KIAA1328: variants seen among roughly 807,000 people sequenced by gnomAD.
The protein encoded by KIAA1328 is KIAA1328, also known as protein hinderin.
A neutral mutation model predicts 68.1 loss-of-function variants in KIAA1328; 52 were observed. The observed-to-expected ratio is 0.76, with a 90% CI of 0.61 to 0.96. KIAA1328 has a LOEUF of 0.96. KIAA1328 is among the 40% of genes least tolerant of loss of function. The pLI is 0.00. For missense variants in KIAA1328, 641 were observed against 677.6 expected, an observed-to-expected ratio of 0.95 and a Z score of 0.60; for synonymous variants, 232 against 239.4, an observed-to-expected ratio of 0.97 and a Z score of 0.28.
intron 7 of KIAA1328, among the ~76,000 whole-genome samples, chr18:37,143,766 G>T (rs1304639347): frequency 6.6e-6 from 1 of 151,316 alleles, no homozygotes; most frequent in African/African-American, 2.4e-5. Flanking sequence ...TGCTTTTTCG[G>T]CATTTATTGA....
chr18:37,100,272 CAAAG>C (rs1275883958), intron 7 of KIAA1328, among the ~76,000 whole-genome samples: 1 of 152,144 alleles, frequency 6.6e-6, no homozygotes, highest in Non-Finnish European at 1.5e-5. Flanking sequence ...CTTTCCTAGT[CAAAG>C]AAAGGGGTGA....
intron 6 of KIAA1328, among the ~76,000 whole-genome samples, chr18:37,031,841 GT>G (rs769152079): frequency 1.2e-4 from 18 of 151,614 alleles, no homozygotes; most frequent in Non-Finnish European, 2.5e-4. Context: ...TTTTTTAGTG[GT>G]TTTTCCAGGT....
chr18:36,955,424 C>T (rs1383371633), intron 5 of KIAA1328, among the ~76,000 whole-genome samples: 2 of 151,672 alleles, frequency 1.3e-5, no homozygotes, highest in South Asian at 2.1e-4. Context: ...ATTCTCCTGC[C>T]TCAGCCTCCC....
At chr18:36,909,403 G>A (rs1004695309) in intron 5 of KIAA1328, among the ~76,000 whole-genome samples, 3 of 151,686 alleles carry the variant, frequency 2.0e-5, no homozygotes, top group Non-Finnish European at 4.4e-5. Flanking sequence ...TTGTCCCTGC[G>A]ATAGTTTGCT....
At chr18:37,179,379 T>C (rs2059656586) in intron 9 of KIAA1328, among the ~76,000 whole-genome samples, 1 of 152,244 alleles carries the variant, frequency 6.6e-6, no homozygotes, top group African/African-American at 2.4e-5. Flanking sequence ...CAGTTGGCTG[T>C]AAGTACATAG....
intron 7 of KIAA1328, among the ~76,000 whole-genome samples, chr18:37,158,486 A>G (rs1262642499): frequency 6.6e-6 from 1 of 152,110 alleles, no homozygotes; most frequent in African/African-American, 2.4e-5. Context: ...GGAGTTTGTG[A>G]GTTATAAGAA....
chr18:36,884,971 A>AT (rs34890195), intron 4 of KIAA1328, among the ~76,000 whole-genome samples: 151 of 149,056 alleles, frequency 1.0e-3, no homozygotes, highest in African/African-American at 1.4e-3. Context: ...TAACTTTATA[A>AT]TTTTTTTTTT....
At chr18:37,038,030 G>A (rs1041487725) in intron 6 of KIAA1328, among the ~76,000 whole-genome samples, 2 of 152,130 alleles carry the variant, frequency 1.3e-5, no homozygotes, top group African/African-American at 4.8e-5. Context: ...GAACCCAGGA[G>A]GCAGAGGTTG....
intron 6 of KIAA1328, among the ~76,000 whole-genome samples, chr18:37,053,571 C>G (rs1486969465): frequency 6.6e-6 from 1 of 152,082 alleles, no homozygotes; most frequent in Admixed American, 6.5e-5. Context: ...AGTATTAGTT[C>G]ATTTTCACAG....
chr18:37,011,807 A>C (rs1202992116), intron 6 of KIAA1328, among the ~76,000 whole-genome samples: 2 of 152,156 alleles, frequency 1.3e-5, no homozygotes, highest in Middle Eastern at 3.2e-3. Flanking sequence ...GTTGGAGGAG[A>C]GGTTGATTAC....
At chr18:36,845,589 C>T (rs2047000275) in intron 4 of KIAA1328, among the ~76,000 whole-genome samples, 1 of 151,504 alleles carries the variant, frequency 6.6e-6, no homozygotes, top group Non-Finnish European at 1.5e-5. Context: ...GCATATTTGA[C>T]AACTCATATA....
At chr18:36,918,743 A>G (rs1353681077) in intron 5 of KIAA1328, among the ~76,000 whole-genome samples, 1 of 152,150 alleles carries the variant, frequency 6.6e-6, no homozygotes, top group Non-Finnish European at 1.5e-5. Flanking sequence ...GCATTTGAAG[A>G]TATAAATATC....
In KIAA1328 at chr18:37,224,390, A is replaced by G. The variant is rs910821533; in HGVS notation, c.*2163A>G. 8 of 985,290 alleles carry G rather than the reference A, an allele frequency of 8.1e-6. No individual in the cohort carries two copies. Among genetic ancestry groups the G allele is most frequent in the African/African-American group, 7.0e-5 (4 of 57,234 alleles). 61.0% of individuals were successfully genotyped at this position (985,290 alleles called of 1,614,324 possible). A position where few individuals can be genotyped will look rare whatever the true frequency, so the allele number is the denominator to read the frequency against. On this transcript the variant is annotated 3_prime_UTR_variant, in exon 10 of 10. Transcript: ENST00000280020. ...TTCTTTGCCTCTCCATGAATGGCCA[A>G]TTTGGAAAAGCAGAGATGGGCTTTC...
At chr18:37,119,077 A>G (rs1019953076) in intron 7 of KIAA1328, among the ~76,000 whole-genome samples, 1 of 152,180 alleles carries the variant, frequency 6.6e-6, no homozygotes, top group Admixed American at 6.5e-5. Context: ...CAGTTTCTTG[A>G]TCAGAAACAA....
intron 4 of KIAA1328, among the ~76,000 whole-genome samples, chr18:36,857,221 C>A (rs1040863675): frequency 6.6e-6 from 1 of 152,168 alleles, no homozygotes; most frequent in African/African-American, 2.4e-5. Context: ...TATGTGGAAG[C>A]CACTCGAAGC....
At chr18:37,179,314 C>A (rs565181767) in intron 9 of KIAA1328, among the ~76,000 whole-genome samples, 17 of 152,316 alleles carry the variant, frequency 1.1e-4, no homozygotes, top group South Asian at 4.1e-4. Context: ...GTTTTCCCAG[C>A]ATTGAAAAGA....
At chr18:37,097,016 C>T (rs1312070293) in intron 7 of KIAA1328, among the ~76,000 whole-genome samples, 8 of 151,508 alleles carry the variant, frequency 5.3e-5, no homozygotes, top group Admixed American at 2.0e-4. Flanking sequence ...TTCTCCCATT[C>T]TGTAGATTGC....
intron 5 of KIAA1328, chr18:36,903,551 C>T (rs2049111321): frequency 6.6e-6 from 1 of 152,076 alleles, no homozygotes; most frequent in African/African-American, 2.4e-5. Context: ...TTTAGTGCTT[C>T]AAACACCTGT....
chr18:37,143,342 T>C lies in KIAA1328; in HGVS notation c.1233-16858T>C, dbSNP rs569290141. 2.6e-5 allele frequency among the ~76,000 whole-genome samples: 4 copies of C among 152,322 alleles called. No individual in the cohort carries two copies. In the East Asian group the frequency reaches 5.8e-4, roughly 22 times the overall value. ...ACATTTTTTGTGGAATTTAATGATA[T>C]AGAAAGACTATTGGTTTTTGAAGAC... is the stretch of plus-strand genomic sequence containing the variant. On this transcript the variant is annotated intron_variant, in intron 7 of 9. Coordinates refer to ENST00000280020, the MANE Select transcript of KIAA1328 (RefSeq NM_020776.3).
Sources: gnomAD v4.1 joint callset for allele counts (sites outside exome capture counted in the v4.1 genomes callset) on GRCh38, gnomAD v4.1.1 for gene constraint, MANE v1.5 for transcripts, NCBI Gene and HGNC (gene_info 2026-07-23, HGNC 2026-07-21) for gene names.